Variants in CD244 observed in about 807,000 individuals in gnomAD.
The protein encoded by CD244 is natural killer cell receptor 2B4.
A neutral mutation model predicts 45.5 loss-of-function variants in CD244; 20 were observed. The observed-to-expected ratio is 0.44, with a 90% CI of 0.31 to 0.64. The LOEUF is 0.64. CD244 is among the 30% of genes least tolerant of loss of function. The pLI, the probability that CD244 is intolerant of heterozygous loss-of-function variation, is 0.08. For synonymous variants in CD244, 185 were observed against 160.5 expected (o/e 1.15, Z -1.15); for missense variants, 407 against 426.9 (o/e 0.95, Z 0.41).
intron 5 of CD244, among the ~76,000 whole-genome samples, chr1:160,837,969 G>A (rs1452149167): frequency 6.6e-6 from 1 of 152,172 alleles, no homozygotes; most frequent in Non-Finnish European, 1.5e-5. Context: ...ACTCTCTCTA[G>A]TACCTCAGCC....
intron 1 of CD244, among the ~76,000 whole-genome samples, chr1:160,862,346 G>A (rs75106490): frequency 0.027 from 4,055 of 152,216 alleles, 204 homozygotes; most frequent in African/African-American, 0.093. Context: ...TCCACTACAC[G>A]GAAGGGTAAA....
intron 5 of CD244, 116 bp downstream of exon 5, chr1:160,838,335 G>A: frequency 1.3e-6 from 1 of 799,574 alleles, no homozygotes; most frequent in Non-Finnish European, 2.2e-6. Context: ...AGGGCTGAGG[G>A]TCACATCAAA....
Position 160,836,201 on chromosome 1 carries a change from C to G in CD244, c.888G>C (p.Gln296His). Residue 296 changes from glutamine (Q) to histidine (H), a missense_variant, in exon 6 of 9, where the codon CAG becomes CAC. Coordinates refer to ENST00000368034, the MANE Select transcript of CD244 (RefSeq NM_016382.4). Reference protein sequence around the residue: ...GGGSTIYSMIQSQSSAPTSQE... With the variant: ...GGGSTIYSMIHSQSSAPTSQE... Reference sequence around the variant, plus strand: ...AGAGAAACTGGAGAGGTACCTGGGACTGGATCATAGAGTAGATGGTGCTCC... The same window carrying G: ...AGAGAAACTGGAGAGGTACCTGGGAGTGGATCATAGAGTAGATGGTGCTCC... The G allele has an allele frequency of 6.2e-7, 1 of 1,613,442 alleles. No homozygotes were observed. The highest frequency in any genetic ancestry group is 2.2e-5 in the East Asian group (1 of 44,882).
chr1:160,862,658 G>A lies in CD244; in HGVS notation c.20C>T (p.Thr7Ile). 1 of 1,614,086 alleles carries A rather than the reference G, an allele frequency of 6.2e-7. No individual in the cohort carries two copies. The highest frequency in any genetic ancestry group is 8.5e-7 in the Non-Finnish European group (1 of 1,179,972). ...CTTGAGGAGCAGGAGGAGTATGAGGGTGACCACTTGCCCCAGCATTTCCAC... is the reference window on the plus strand; with the variant it reads ...CTTGAGGAGCAGGAGGAGTATGAGGATGACCACTTGCCCCAGCATTTCCAC... MLGQVV[T>I]LILLLLLKVY... The change falls in exon 1 of 9, where the codon ACC becomes ATC. Residue 7 changes from threonine to isoleucine, a missense_variant. Thr to Ile is a moderately conservative substitution (Grantham distance 89). Coordinates refer to ENST00000368034, the MANE Select transcript of CD244 (RefSeq NM_016382.4).
intron 1 of CD244, among the ~76,000 whole-genome samples, chr1:160,852,977 C>T (rs966087060): frequency 4.6e-5 from 7 of 152,102 alleles, no homozygotes; most frequent in African/African-American, 1.7e-4. Flanking sequence ...GAGCCAAGAT[C>T]ATGCCATTGC....
chr1:160,835,758 G>T (rs964327158), intron 6 of CD244, among the ~76,000 whole-genome samples: 1 of 152,050 alleles, frequency 6.6e-6, no homozygotes, highest in East Asian at 1.9e-4. Context: ...TAAAAGAAAA[G>T]AAAATGGACA....
intron 1 of CD244, among the ~76,000 whole-genome samples, chr1:160,860,378 C>A (rs951913522): frequency 1.3e-5 from 2 of 151,356 alleles, no homozygotes; most frequent in African/African-American, 4.9e-5. Context: ...AAAGTATGGT[C>A]ATAGACTGAA....
intron 3 of CD244, among the ~76,000 whole-genome samples, chr1:160,840,406 T>C (rs1669495298): frequency 6.6e-6 from 1 of 151,972 alleles, no homozygotes; most frequent in South Asian, 2.1e-4. Context: ...AGATTACAGG[T>C]GCCCGCCAAC....
chr1:160,849,488 TCC>T (rs1669847868), intron 1 of CD244, among the ~76,000 whole-genome samples: 1 of 152,016 alleles, frequency 6.6e-6, no homozygotes, highest in South Asian at 2.1e-4. Context: ...TGTGTGATAT[TCC>T]CGTCCCTGTG....
intron 1 of CD244, among the ~76,000 whole-genome samples, chr1:160,851,749 C>T (rs1669927368): frequency 6.6e-6 from 1 of 152,004 alleles, no homozygotes; most frequent in Non-Finnish European, 1.5e-5. Context: ...CACCATGTTG[C>T]CAAGGCTTGT....
In CD244 at chr1:160,832,682, A is replaced by G. The variant is rs749140558; in HGVS notation, c.961-107T>C. The G allele has an allele frequency of 1.2e-5, 19 of 1,555,552 alleles. No homozygotes were observed. In the African/African-American group the frequency reaches 2.3e-4, roughly 19 times the overall value. On this transcript the variant is annotated intron_variant, in intron 7 of 8. Transcript: ENST00000368034. ...AGACTCAGGGCCCAGAAAAATTCTGAGGCACTCTCAGCCAGAAAATGAATA... is the reference window on the plus strand; with the variant it reads ...AGACTCAGGGCCCAGAAAAATTCTGGGGCACTCTCAGCCAGAAAATGAATA...
chr1:160,848,455 T>A (rs1669810450), intron 1 of CD244: 3 of 548,578 alleles, frequency 5.5e-6, no homozygotes, highest in Non-Finnish European at 1.1e-5. Context: ...GGTCCAGGAA[T>A]GGCAAGACCA....
rs1483919652 is a variant in CD244, at chr1:160,830,207, C to A, written c.*1140G>T. 6.6e-6 allele frequency: 1 copy of A among 152,366 alleles called. No homozygotes were observed. Among genetic ancestry groups the A allele is most frequent in the Non-Finnish European group, 1.5e-5 (1 of 68,052 alleles). 9.4% of individuals were successfully genotyped at this position (152,366 alleles called of 1,614,324 possible). A position where few individuals can be genotyped will look rare whatever the true frequency, so the allele number is the denominator to read the frequency against. On this transcript the variant is annotated 3_prime_UTR_variant, in exon 9 of 9. Coordinates refer to ENST00000368034, the MANE Select transcript of CD244 (RefSeq NM_016382.4). ...TTCAGGCAAGGAATTCAGACTGCAT[C>A]TGCATGATATCACCGTTTTATATGA...
At chr1:160,832,858 G>A (rs72710750) in intron 7 of CD244, 14,993 of 135,174 alleles carry the variant, frequency 0.11, 1,420 homozygotes, top group African/African-American at 0.39. Context: ...ATACACATAT[G>A]TGTGTGTGTG....
intron 1 of CD244, among the ~76,000 whole-genome samples, chr1:160,843,247 T>A (rs1176034543): frequency 6.6e-6 from 1 of 152,226 alleles, no homozygotes; most frequent in Non-Finnish European, 1.5e-5. Context: ...TATATTTATA[T>A]GACTTGTACT....
Position 160,841,849 on chromosome 1 carries a change from C to G in CD244, c.114G>C (p.Gln38His). 4.3e-6 allele frequency: 7 copies of G among 1,614,180 alleles called. No individual in the cohort carries two copies. The highest frequency in any genetic ancestry group is 5.9e-6 in the Non-Finnish European group (7 of 1,180,024). The stretch of plus-strand genomic sequence containing the variant: ...TCGTCTGTATGCTGTTTGGTTGTAA[C>G]TGAAGAGGCACTCCCGAGATGCTAA... The part of the protein sequence containing the change: ...HVVSISGVPL[Q>H]LQPNSIQTKV... Residue 38 changes from glutamine (Q) to histidine (H), a missense_variant, in exon 2 of 9, where the codon CAG (glutamine) becomes CAC (histidine). Gln to His is a conservative substitution (Grantham distance 24). Transcript: ENST00000368034.
intron 1 of CD244, among the ~76,000 whole-genome samples, chr1:160,857,855 C>T (rs549462506): frequency 6.6e-6 from 1 of 151,406 alleles, no homozygotes; most frequent in South Asian, 2.1e-4. Flanking sequence ...AAGACCAGCC[C>T]AGGCAGCATA....
rs750789844 is a variant in CD244 at position 160,841,289 on chromosome 1, A to G, written c.576T>C (p.Tyr192=). The change falls in exon 3 of 9, where the codon TAT becomes TAC. Residue 192 remains tyrosine, a synonymous_variant. Transcript: ENST00000368034. ...EEVDINGTHT[Y]TCNVSNPVSW... is the part of the protein sequence containing the mutation. ...TAACAGGATTGCTGACATTGCAGGT[A>G]TATGTGTGAGTGCCATTAATGTCAA... 48 of 1,614,032 alleles carry G rather than the reference A, an allele frequency of 3.0e-5. No individual in the cohort carries two copies. The highest frequency in any genetic ancestry group is 1.3e-4 in the East Asian group (6 of 44,898).
intron 1 of CD244, among the ~76,000 whole-genome samples, chr1:160,844,617 C>A (rs1669666635): frequency 6.6e-6 from 1 of 152,208 alleles, no homozygotes; most frequent in African/African-American, 2.4e-5. Context: ...CCTAAAATAG[C>A]CTGCTGGAGA....
Sources: allele counts gnomAD v4.1 joint callset (sites outside exome capture counted in the v4.1 genomes callset), GRCh38; gene constraint gnomAD v4.1.1; transcripts MANE v1.5; gene names NCBI Gene and HGNC (gene_info 2026-07-23, HGNC 2026-07-21).